Variants in LHX8 observed in about 807,000 individuals in gnomAD.
LHX8 encodes the protein LIM/homeobox protein Lhx8.
LHX8 carries 12 observed loss-of-function variants against 40.3 expected under a neutral mutation model. The ratio of observed to expected loss-of-function variants is 0.30; its 90% CI spans 0.19 to 0.48. The LOEUF (loss-of-function observed/expected upper bound fraction) is 0.48. LHX8 is among the 20% of genes least tolerant of loss of function. The probability of loss-of-function intolerance (pLI) is 0.99; values close to 1 mark genes in which losing one functional copy is unlikely to be tolerated. For synonymous variants in LHX8, 179 were observed against 162.0 expected, an observed-to-expected ratio of 1.10 and a Z score of -0.80; for missense variants, 344 against 433.7, an observed-to-expected ratio of 0.79 and a Z score of 1.84.
intron 6 of LHX8, among the ~76,000 whole-genome samples, chr1:75,145,385 CTTTCA>C (rs1239599781): frequency 6.6e-6 from 1 of 151,976 alleles, no homozygotes; most frequent in Non-Finnish European, 1.5e-5. Context: ...AGGTTGATAA[CTTTCA>C]TTTGATATAA....
At chr1:75,147,461 A>G (rs1354508349) in intron 6 of LHX8, among the ~76,000 whole-genome samples, 1 of 152,206 alleles carries the variant, frequency 6.6e-6, no homozygotes, top group Non-Finnish European at 1.5e-5. Context: ...CACTATGGAG[A>G]TAAACTTGAA....
intron 7 of LHX8, among the ~76,000 whole-genome samples, chr1:75,156,007 T>C (rs1216868440): frequency 6.6e-6 from 1 of 151,894 alleles, no homozygotes; most frequent in African/African-American, 2.4e-5. Flanking sequence ...CTTTTTTTTT[T>C]TTTTTTTAAG....
At chr1:75,140,415 C>T (rs991522576) in intron 3 of LHX8, among the ~76,000 whole-genome samples, 12 of 152,068 alleles carry the variant, frequency 7.9e-5, no homozygotes, top group Non-Finnish European at 1.5e-4. Flanking sequence ...GAAGAGAACC[C>T]GGGCTTCTGC....
the LHX8 span, among the ~76,000 whole-genome samples, chr1:75,183,559 T>C: frequency 6.6e-6 from 1 of 152,112 alleles, no homozygotes; most frequent in African/African-American, 2.4e-5. Context: ...TAAAATCCTT[T>C]CCCTATAAGC....
chr1:75,161,352 CA>C lies in LHX8; in HGVS notation c.*459del. The C allele has an allele frequency of 5.8e-6, 1 of 171,622 alleles. No individual in the cohort carries two copies. Among genetic ancestry groups the C allele is most frequent in the Non-Finnish European group, 1.2e-5 (1 of 80,094 alleles). The allele number at this position is 171,622 out of a possible 1,614,324, so 10.6% of individuals were successfully genotyped here. On this transcript the variant is annotated 3_prime_UTR_variant, in exon 9 of 9. Coordinates refer to ENST00000356261, the MANE Select transcript of LHX8 (RefSeq NM_001256114.2). ...TTTGAAGCTTGTATCTGTGAATTTGCAACTGAAATTTATTTTGCCAATGTTT... is the reference window on the plus strand; with the variant it reads ...TTTGAAGCTTGTATCTGTGAATTTGCACTGAAATTTATTTTGCCAATGTTT...
chr1:75,165,991 T>C (rs1649024547), downstream of LHX8, among the ~76,000 whole-genome samples: 1 of 152,170 alleles, frequency 6.6e-6, no homozygotes, highest in Admixed American at 6.6e-5. Context: ...AAAGTTTTTA[T>C]GAAGCAAAAG....
chr1:75,168,482 C>T, the LHX8 span, among the ~76,000 whole-genome samples: 1 of 152,192 alleles, frequency 6.6e-6, no homozygotes, highest in Non-Finnish European at 1.5e-5. Flanking sequence ...CTGCCTCAGC[C>T]TCCCAAAGTG....
chr1:75,175,943 T>C, the LHX8 span, among the ~76,000 whole-genome samples: 1 of 152,180 alleles, frequency 6.6e-6, no homozygotes, highest in African/African-American at 2.4e-5. Flanking sequence ...GTCCTTGTGA[T>C]AGTTTGCTTA....
the LHX8 span, among the ~76,000 whole-genome samples, chr1:75,184,821 GTT>G: frequency 8.6e-4 from 121 of 140,536 alleles, 1 homozygote; most frequent in African/African-American, 1.5e-3. Context: ...TCCAGCAGCT[GTT>G]TTTTTTTTTT....
At chr1:75,174,265 C>T in the LHX8 span, among the ~76,000 whole-genome samples, 1 of 152,118 alleles carries the variant, frequency 6.6e-6, no homozygotes, top group Non-Finnish European at 1.5e-5. Flanking sequence ...CCTATCCTGG[C>T]CATCCTGGAG....
At chr1:75,180,492 T>C in the LHX8 span, among the ~76,000 whole-genome samples, 2 of 152,206 alleles carry the variant, frequency 1.3e-5, no homozygotes, top group East Asian at 3.8e-4. Context: ...CAGGTACTGA[T>C]GCTTTTGCAT....
chr1:75,146,454 C>T (rs981254654), intron 6 of LHX8, among the ~76,000 whole-genome samples: 1 of 152,142 alleles, frequency 6.6e-6, no homozygotes, highest in South Asian at 2.1e-4. Flanking sequence ...TGTAGAAGCA[C>T]TCACTTAGTG....
At chr1:75,133,814 T>G (rs981575029), upstream of LHX8, among the ~76,000 whole-genome samples, 4 of 152,222 alleles carry the variant, frequency 2.6e-5, no homozygotes, top group African/African-American at 9.6e-5. Context: ...AACATACTTT[T>G]GTCTTTCTTG....
chr1:75,177,514 A>G, the LHX8 span, among the ~76,000 whole-genome samples: 2 of 152,142 alleles, frequency 1.3e-5, no homozygotes, highest in East Asian at 3.9e-4. Context: ...TGATTTTTGC[A>G]CATTGATTTT....
intron 6 of LHX8, among the ~76,000 whole-genome samples, chr1:75,147,403 G>C (rs1043378199): frequency 6.6e-6 from 1 of 152,094 alleles, no homozygotes; most frequent in African/African-American, 2.4e-5. Flanking sequence ...TAACTCCTAG[G>C]GATACGAAAA....
At chr1:75,197,306 G>T in the LHX8 span, among the ~76,000 whole-genome samples, 2 of 152,066 alleles carry the variant, frequency 1.3e-5, no homozygotes, top group Admixed American at 1.3e-4. Context: ...CACTTAAAGT[G>T]CTAAAATTAG....
the LHX8 span, among the ~76,000 whole-genome samples, chr1:75,192,522 A>G: frequency 2.0e-5 from 3 of 152,226 alleles, no homozygotes; most frequent in Non-Finnish European, 4.4e-5. Flanking sequence ...ACCTGTCAAA[A>G]TCAGTGCCCC....
At position 75,148,698 on chromosome 1, in the gene LHX8, T is replaced by TC; in HGVS notation, c.780+16_780+17insC. The TC allele has an allele frequency of 6.5e-7, 1 of 1,541,022 alleles. No individual in the cohort carries two copies. The highest frequency in any genetic ancestry group is 8.9e-7 in the Non-Finnish European group (1 of 1,121,646). On this transcript the variant is annotated intron_variant, in intron 7 of 8. Transcript: ENST00000356261. ...TGTGATACAGGTGATTACTTTACTT[T>TC]TTTTTTTTTTTAAGGTTTTTAAAAA...
chr1:75,151,435 A>G (rs137958692), intron 7 of LHX8, among the ~76,000 whole-genome samples: 1 of 152,354 alleles, frequency 6.6e-6, no homozygotes, highest in Admixed American at 6.5e-5. Flanking sequence ...ATGCCATAAT[A>G]TTAAAGGCAG....
Sources: allele counts gnomAD v4.1 joint callset (sites outside exome capture counted in the v4.1 genomes callset), GRCh38; gene constraint gnomAD v4.1.1; transcripts MANE v1.5; gene names NCBI Gene and HGNC (gene_info 2026-07-23, HGNC 2026-07-21).